Variants in SLC24A4 observed in about 807,000 individuals in gnomAD.
SLC24A4 encodes sodium/potassium/calcium exchanger 4.
SLC24A4 carries 53 observed loss-of-function variants against 79.0 expected under a neutral mutation model. The observed-to-expected ratio is 0.67, with a 90% CI of 0.54 to 0.84. SLC24A4 has a LOEUF of 0.84. Ranked by LOEUF, SLC24A4 falls within the 40% of genes least tolerant of loss-of-function variation. The pLI is 0.00. For missense variants in SLC24A4, 731 were observed against 822.0 expected, an observed-to-expected ratio of 0.89 and a Z score of 1.35; for synonymous variants, 323 against 323.8, an observed-to-expected ratio of 1.00 and a Z score of 0.03.
intron 2 of SLC24A4, among the ~76,000 whole-genome samples, chr14:92,355,657 C>T (rs1362647557): frequency 5.9e-5 from 9 of 152,160 alleles, no homozygotes; most frequent in African/African-American, 9.7e-5. Context: ...TTGGGTTTGC[C>T]GGGCCTGGGG....
In SLC24A4 at chr14:92,443,365, G is replaced by A. The variant is rs373403146; in HGVS notation, c.583-35G>A. The A allele has an allele frequency of 4.2e-4, 676 of 1,611,524 alleles. 2 individuals carry two copies. Among genetic ancestry groups the A allele is most frequent in the Non-Finnish European group, 1.6e-4 (189 of 1,178,380 alleles). Reference sequence around the variant, plus strand: ...AGCTGCACCCCCTCCCCGCTTCTGCGCTCATAGCAGCCAACGACGGGGCTC... The same window carrying A: ...AGCTGCACCCCCTCCCCGCTTCTGCACTCATAGCAGCCAACGACGGGGCTC... On this transcript the variant is annotated intron_variant, in intron 6 of 16. Coordinates refer to ENST00000532405, the MANE Select transcript of SLC24A4 (RefSeq NM_153646.4).
chr14:92,471,921 A>G (rs1998098), intron 12 of SLC24A4, among the ~76,000 whole-genome samples: 117,251 of 152,104 alleles, frequency 0.77, 47,168 homozygotes, highest in Non-Finnish European at 0.89. Flanking sequence ...CAAAAAGTGA[A>G]AGTCACTTTC....
At chr14:92,482,416 C>A (rs1317998442) in intron 12 of SLC24A4, among the ~76,000 whole-genome samples, 1 of 152,180 alleles carries the variant, frequency 6.6e-6, no homozygotes, top group African/African-American at 2.4e-5. Flanking sequence ...GTCTGTTCCC[C>A]CTCAGCCTCA....
intron 2 of SLC24A4, among the ~76,000 whole-genome samples, chr14:92,375,779 T>C (rs925153736): frequency 2.6e-5 from 4 of 152,132 alleles, no homozygotes; most frequent in Non-Finnish European, 5.9e-5. Flanking sequence ...AGAAAGCAGA[T>C]TGGTGGTTGT....
intron 2 of SLC24A4, among the ~76,000 whole-genome samples, chr14:92,355,617 G>A (rs1201880583): frequency 2.0e-5 from 3 of 151,880 alleles, no homozygotes; most frequent in Admixed American, 6.5e-5. Flanking sequence ...ATATTTGTCT[G>A]GGGACGAGCA....
chr14:92,392,844 G>A (rs1437382298), intron 2 of SLC24A4, among the ~76,000 whole-genome samples: 2 of 152,192 alleles, frequency 1.3e-5, no homozygotes, highest in Non-Finnish European at 2.9e-5. Flanking sequence ...CTCTGTGTGA[G>A]GTCACATGGG....
chr14:92,492,296 T>C, intron 16 of SLC24A4, 56 bp downstream of exon 16: 1 of 1,526,322 alleles, frequency 6.6e-7, no homozygotes, highest in Non-Finnish European at 9.1e-7. Context: ...TTCATCTGAT[T>C]CCGCCTCGTC....
At chr14:92,390,741 A>G (rs968591514) in intron 2 of SLC24A4, among the ~76,000 whole-genome samples, 1 of 152,176 alleles carries the variant, frequency 6.6e-6, no homozygotes, top group Non-Finnish European at 1.5e-5. Flanking sequence ...TGGCACGGGC[A>G]CCAGGCCTAC....
intron 12 of SLC24A4, among the ~76,000 whole-genome samples, chr14:92,474,994 G>A (rs568044418): frequency 1.6e-3 from 241 of 150,690 alleles, no homozygotes; most frequent in Non-Finnish European, 3.0e-3. Flanking sequence ...CACCGTGCCC[G>A]GCCTATATTT....
At chr14:92,414,852 A>G (rs1170010471) in intron 2 of SLC24A4, among the ~76,000 whole-genome samples, 1 of 152,246 alleles carries the variant, frequency 6.6e-6, no homozygotes, top group African/African-American at 2.4e-5. Context: ...AGTGGGTGAT[A>G]GAGAGTTCAC....
Position 92,362,077 on chromosome 14 carries a change from C to T in SLC24A4, c.241+36099C>T, listed in dbSNP as rs138084789. ...GAGCACAGGGAGGTCAGAATAGGTG[C>T]GGTCCCATGACTGAGCGTCTTGGGG... On this transcript the variant is annotated intron_variant, in intron 2 of 16. Transcript: ENST00000532405. 6.4e-4 allele frequency among the ~76,000 whole-genome samples: 97 copies of T among 152,222 alleles called. 1 individual carries two copies. In the East Asian group the frequency reaches 0.015, roughly 23 times the overall value.
At chr14:92,439,724 G>A (rs1892386035) in intron 4 of SLC24A4, among the ~76,000 whole-genome samples, 1 of 152,250 alleles carries the variant, frequency 6.6e-6, no homozygotes, top group Non-Finnish European at 1.5e-5. Context: ...AGGCAGGCCT[G>A]CCAGCTGCAG....
rs200156448 is a variant in SLC24A4 at position 92,439,456 on chromosome 14, G to T, written c.393+47G>T. 1.1e-4 allele frequency: 169 copies of T among 1,562,498 alleles called. 2 individuals carry two copies. In the African/African-American group the frequency reaches 1.8e-3, roughly 16 times the overall value. ...CACCTTGGTGAAGCCTTGAAGACAT[G>T]TGGGACATAAATGCCAAGCCAAGAA... is the stretch of plus-strand genomic sequence containing the variant. On this transcript the variant is annotated intron_variant, in intron 4 of 16. Transcript: ENST00000532405.
intron 2 of SLC24A4, among the ~76,000 whole-genome samples, chr14:92,368,459 A>G (rs192965950): frequency 6.6e-6 from 1 of 152,282 alleles, no homozygotes; most frequent in Admixed American, 6.5e-5. Context: ...AATTTCCTAT[A>G]GTAAATGGGA....
intron 2 of SLC24A4, among the ~76,000 whole-genome samples, chr14:92,384,465 C>A (rs181239354): frequency 1.3e-5 from 2 of 150,690 alleles, no homozygotes; most frequent in Admixed American, 1.3e-4. Context: ...TGGGGGCCTG[C>A]TCTGGGCCTG....
chr14:92,413,868 G>A (rs1203155779), intron 2 of SLC24A4, among the ~76,000 whole-genome samples: 10 of 152,184 alleles, frequency 6.6e-5, no homozygotes. Flanking sequence ...TGTCATTGTT[G>A]GAAGTGGTGT....
chr14:92,332,104 C>G (rs913296472), intron 2 of SLC24A4, among the ~76,000 whole-genome samples: 2 of 151,762 alleles, frequency 1.3e-5, no homozygotes, highest in African/African-American at 2.4e-5. Flanking sequence ...CATGCTGAAA[C>G]CCCCCTCTCT....
Position 92,474,843 on chromosome 14 carries a change from G to GTGTGTGTGTGTGTGTGTATA in SLC24A4, c.1256-7836_1256-7835insGTGTGTGTGTGTGTGTATAT, listed in dbSNP as rs779007741. On this transcript the variant is annotated intron_variant, in intron 12 of 16. Transcript: ENST00000532405. ...TATACATATATATGTGTGTGTGTGT[G>GTGTGTGTGTGTGTGTGTATA]TATATATATATATATATATATTTTT... 4.8e-3 allele frequency among the ~76,000 whole-genome samples: 115 copies of GTGTGTGTGTGTGTGTGTATA among 23,810 alleles called. 1 individual carries two copies. The highest frequency in any genetic ancestry group is 0.011 in the African/African-American group (113 of 10,174). 15.6% of individuals were successfully genotyped at this position (23,810 alleles called of 152,430 possible).
chr14:92,380,544 C>T (rs1888785133), intron 2 of SLC24A4, among the ~76,000 whole-genome samples: 1 of 152,200 alleles, frequency 6.6e-6, no homozygotes, highest in Admixed American at 6.5e-5. Context: ...CTCTCAATGG[C>T]CAGAGAAAGA....
Sources: allele counts gnomAD v4.1 joint callset (sites outside exome capture counted in the v4.1 genomes callset), GRCh38; gene constraint gnomAD v4.1.1; transcripts MANE v1.5; gene names NCBI Gene and HGNC (gene_info 2026-07-23, HGNC 2026-07-21).